Variants in PGCKA1 observed in about 807,000 individuals in gnomAD.
PGCKA1 encodes PDCD10 and GCKIII kinases associated 1.
the PGCKA1 span, among the ~76,000 whole-genome samples, chr4:37,470,875 TG>T: frequency 6.6e-6 from 1 of 152,200 alleles, no homozygotes; most frequent in Non-Finnish European, 1.5e-5. Context: ...AGTGGCTATG[TG>T]TGGTTTTCTT....
the PGCKA1 span, among the ~76,000 whole-genome samples, chr4:37,563,088 GTCTTC>G: frequency 6.6e-6 from 1 of 151,840 alleles, no homozygotes; most frequent in African/African-American, 2.4e-5. Context: ...GTTTTTTCTT[GTCTTC>G]CGACCAGTTC....
the PGCKA1 span, among the ~76,000 whole-genome samples, chr4:37,527,778 C>G: frequency 6.6e-6 from 1 of 151,040 alleles, no homozygotes; most frequent in African/African-American, 2.4e-5. Flanking sequence ...TGCAGTGAGC[C>G]GAGATCGCAC....
chr4:37,461,845 T>C, the PGCKA1 span, among the ~76,000 whole-genome samples: 1 of 151,864 alleles, frequency 6.6e-6, no homozygotes, highest in Non-Finnish European at 1.5e-5. Context: ...ATGGAGGAAA[T>C]AGAGGAGAAG....
At chr4:37,539,586 A>G in the PGCKA1 span, among the ~76,000 whole-genome samples, 6 of 152,210 alleles carry the variant, frequency 3.9e-5, no homozygotes, top group Non-Finnish European at 8.8e-5. Context: ...CCTGGGAGGC[A>G]GAGGTTGCAT....
chr4:37,476,330 T>C, the PGCKA1 span, among the ~76,000 whole-genome samples: 1 of 152,196 alleles, frequency 6.6e-6, no homozygotes, highest in Non-Finnish European at 1.5e-5. Flanking sequence ...AGCTCTTCCT[T>C]TAAATTGCTC....
chr4:37,459,019 G>T, the PGCKA1 span, among the ~76,000 whole-genome samples: 3 of 152,120 alleles, frequency 2.0e-5, no homozygotes. Flanking sequence ...ATCCAACACT[G>T]GGACTTGGGT....
chr4:37,579,069 A>G, the PGCKA1 span, among the ~76,000 whole-genome samples: 4 of 152,204 alleles, frequency 2.6e-5, no homozygotes, highest in Non-Finnish European at 5.9e-5. Flanking sequence ...AAACATAAAT[A>G]AATAAATAAC....
At chr4:37,470,716 A>G in the PGCKA1 span, among the ~76,000 whole-genome samples, 1 of 152,168 alleles carries the variant, frequency 6.6e-6, no homozygotes, top group Non-Finnish European at 1.5e-5. Context: ...TACCTTAGTT[A>G]TATGCTTAGT....
chr4:37,497,067 C>A, the PGCKA1 span, among the ~76,000 whole-genome samples: 9 of 152,140 alleles, frequency 5.9e-5, no homozygotes, highest in Admixed American at 2.6e-4. Flanking sequence ...CAAATATTAT[C>A]TTTTATCCCT....
the PGCKA1 span, among the ~76,000 whole-genome samples, chr4:37,548,507 C>T: frequency 4.5e-3 from 678 of 152,050 alleles, 6 homozygotes; most frequent in Non-Finnish European, 6.9e-3. Flanking sequence ...TTTCTTAAAG[C>T]ATCAACCTGC....
chr4:37,556,041 C>T, the PGCKA1 span, among the ~76,000 whole-genome samples: 1 of 152,124 alleles, frequency 6.6e-6, no homozygotes, highest in African/African-American at 2.4e-5. Context: ...ATTAAATTTT[C>T]TAACAGTCTT....
the PGCKA1 span, among the ~76,000 whole-genome samples, chr4:37,553,340 AC>A: frequency 7.3e-6 from 1 of 137,772 alleles, no homozygotes; most frequent in East Asian, 2.3e-4. Flanking sequence ...TTATTTTGAC[AC>A]CTGATCTTTA....
the PGCKA1 span, among the ~76,000 whole-genome samples, chr4:37,535,588 C>G: frequency 6.6e-6 from 1 of 152,166 alleles, no homozygotes; most frequent in Non-Finnish European, 1.5e-5. Flanking sequence ...TCATTCAGGT[C>G]TCCCACAACC....
At chr4:37,553,846 A>G in the PGCKA1 span, among the ~76,000 whole-genome samples, 1 of 152,246 alleles carries the variant, frequency 6.6e-6, no homozygotes, top group East Asian at 1.9e-4. Context: ...CAATGTGCAG[A>G]TAAACACTGA....
chr4:37,567,309 C>T, the PGCKA1 span, among the ~76,000 whole-genome samples: 1 of 152,168 alleles, frequency 6.6e-6, no homozygotes, highest in Non-Finnish European at 1.5e-5. Context: ...CCAAAACAGT[C>T]CTTGGCACAT....
the PGCKA1 span, among the ~76,000 whole-genome samples, chr4:37,582,682 A>C: frequency 2.0e-5 from 3 of 152,316 alleles, no homozygotes; most frequent in East Asian, 5.8e-4. Context: ...AAGTGAGGCT[A>C]AGTTCTCAGT....
the PGCKA1 span, among the ~76,000 whole-genome samples, chr4:37,520,926 C>T: frequency 1.3e-5 from 2 of 152,054 alleles, no homozygotes; most frequent in African/African-American, 2.4e-5. Context: ...CCTTTTTTCT[C>T]TTTTATTTTA....
At chr4:37,527,634 A>G in the PGCKA1 span, among the ~76,000 whole-genome samples, 1 of 151,170 alleles carries the variant, frequency 6.6e-6, no homozygotes, top group South Asian at 2.1e-4. Context: ...CCTGGCTAAC[A>G]CAGTGAAACC....
the PGCKA1 span, among the ~76,000 whole-genome samples, chr4:37,554,701 T>C: frequency 6.6e-6 from 1 of 152,212 alleles, no homozygotes; most frequent in African/African-American, 2.4e-5. Flanking sequence ...TTCAAAGTCT[T>C]CCTGGAGAAA....
Sources: allele counts gnomAD v4.1 joint callset (sites outside exome capture counted in the v4.1 genomes callset), GRCh38; gene constraint gnomAD v4.1.1; transcripts MANE v1.5; gene names NCBI Gene and HGNC (gene_info 2026-07-23, HGNC 2026-07-21).